SEC24D: variants seen among roughly 807,000 people sequenced by gnomAD.
The protein encoded by SEC24D is SEC24 homolog D, COPII component, also known as protein transport protein Sec24D.
In SEC24D, 69 loss-of-function variants were observed where a neutral mutation model predicts 116.9. The observed-to-expected ratio is 0.59, with a 90% CI of 0.49 to 0.72. The LOEUF is 0.72. Among genes scored for constraint, SEC24D ranks in the 30% least tolerant of loss-of-function variants. The pLI is 0.00. For synonymous variants in SEC24D, 405 were observed against 442.8 expected (o/e 0.91, Z 1.07); for missense variants, 1,131 against 1,264.1 (o/e 0.89, Z 1.60).
chr4:118,788,622 C>T (rs1728754461), intron 8 of SEC24D, among the ~76,000 whole-genome samples: 1 of 152,178 alleles, frequency 6.6e-6, no homozygotes, highest in Admixed American at 6.5e-5. Flanking sequence ...ACTACATTGT[C>T]TTTCAAATGA....
intron 8 of SEC24D, among the ~76,000 whole-genome samples, chr4:118,779,729 GT>G (rs1195830096): frequency 6.6e-6 from 1 of 152,142 alleles, no homozygotes; most frequent in African/African-American, 2.4e-5. Context: ...AATCCATCTG[GT>G]CCTGGAATTT....
Position 118,723,395 on chromosome 4 carries a change from G to T in SEC24D, c.*120C>A. ...GAAGTTCTAAATGCCATCTCTTCCT[G>T]GAAAGTTATTCTGAAAATGAGCAAG... On this transcript the variant is annotated 3_prime_UTR_variant, in exon 23 of 23. Transcript: ENST00000280551. 9.5e-7 allele frequency: 1 copy of T among 1,053,942 alleles called. No individual in the cohort carries two copies. Among genetic ancestry groups the T allele is most frequent in the Non-Finnish European group, 1.4e-6 (1 of 733,524 alleles). 65.3% of individuals were successfully genotyped at this position (1,053,942 alleles called of 1,614,324 possible).
At chr4:118,810,682 A>G (rs543140025) in intron 6 of SEC24D, among the ~76,000 whole-genome samples, 81 of 152,190 alleles carry the variant, frequency 5.3e-4, no homozygotes, top group Non-Finnish European at 6.9e-4. Flanking sequence ...GAGGCCTGAG[A>G]ACATGAATTT....
Position 118,815,480 on chromosome 4 carries a change from G to A in SEC24D, c.644C>T (p.Thr215Ile), listed in dbSNP as rs1578468090. Residue 215 changes from threonine to isoleucine, a missense_variant, in exon 5 of 23, where the codon ACC becomes ATC. Coordinates refer to ENST00000280551, the MANE Select transcript of SEC24D (RefSeq NM_014822.4). ...QYQPPPLPGQ[T>I]LGAGYPPQQA... ...CTGCGGAGGATATCCAGCACCCAAG[G>A]TCTGGCCTGGAAGAGGTGGGGGCTG... 6.2e-7 allele frequency: 1 copy of A among 1,614,198 alleles called. No homozygotes were observed. Among genetic ancestry groups the A allele is most frequent in the Non-Finnish European group, 8.5e-7 (1 of 1,180,028 alleles).
At chr4:118,824,858 G>T in intron 2 of SEC24D, 109 bp from the exon 3 acceptor site, 1 of 978,878 alleles carries the variant, frequency 1.0e-6, no homozygotes, top group Non-Finnish European at 1.5e-6. Flanking sequence ...GAAACAAATG[G>T]ATTAGAACAA....
chr4:118,808,669 C>A (rs1203888546), intron 6 of SEC24D, among the ~76,000 whole-genome samples: 1 of 152,128 alleles, frequency 6.6e-6, no homozygotes, highest in African/African-American at 2.4e-5. Context: ...TGACTTGGTA[C>A]CTGAAGGGTT....
chr4:118,755,430 C>T (rs1003766018), intron 11 of SEC24D, among the ~76,000 whole-genome samples: 1 of 146,196 alleles, frequency 6.8e-6, no homozygotes, highest in Admixed American at 6.9e-5. Context: ...GCATTTGGAA[C>T]GTTTTAGTTA....
chr4:118,821,631 G>C (rs1013458075), intron 3 of SEC24D, among the ~76,000 whole-genome samples: 2 of 152,080 alleles, frequency 1.3e-5, no homozygotes, highest in Non-Finnish European at 2.9e-5. Context: ...TGATAATTTA[G>C]ATACAGTAAA....
chr4:118,749,146 G>A (rs1560633178), intron 13 of SEC24D, among the ~76,000 whole-genome samples: 1 of 152,028 alleles, frequency 6.6e-6, no homozygotes, highest in Non-Finnish European at 1.5e-5. Flanking sequence ...AGTTATGAAG[G>A]TCAGATTTTG....
chr4:118,814,741 T>C (rs1730064011), intron 6 of SEC24D, among the ~76,000 whole-genome samples: 1 of 151,864 alleles, frequency 6.6e-6, no homozygotes, highest in African/African-American at 2.4e-5. Context: ...ACTGCCAAAA[T>C]ATGTCAATGT....
intron 8 of SEC24D, among the ~76,000 whole-genome samples, chr4:118,789,790 T>G (rs1432499166): frequency 1.3e-5 from 2 of 152,182 alleles, no homozygotes; most frequent in Non-Finnish European, 2.9e-5. Context: ...TTCACCATGT[T>G]AGCCAGGATG....
At position 118,737,554 on chromosome 4, in the gene SEC24D, C is replaced by G. The variant is rs377072803; in HGVS notation, c.2496+707G>C. Among the ~76,000 whole-genome samples, 4 of 152,168 alleles carry G rather than the reference C, an allele frequency of 2.6e-5. No individual in the cohort carries two copies. In the East Asian group the frequency reaches 7.7e-4, roughly 29 times the overall value. On this transcript the variant is annotated intron_variant, in intron 19 of 22. Coordinates refer to ENST00000280551, the MANE Select transcript of SEC24D (RefSeq NM_014822.4). ...TGAATGAACTAGAAAGTTTTCCCAT[C>G]TATTGCTATTTTAGTTGGAATTCTA...
chr4:118,790,692 A>G (rs1728857989), intron 8 of SEC24D, among the ~76,000 whole-genome samples: 1 of 151,912 alleles, frequency 6.6e-6, no homozygotes, highest in African/African-American at 2.4e-5. Flanking sequence ...CCTAAGGAAC[A>G]TCCTCTCGTC....
At chr4:118,775,270 T>C (rs1433744357) in intron 8 of SEC24D, among the ~76,000 whole-genome samples, 1 of 140,568 alleles carries the variant, frequency 7.1e-6, no homozygotes, top group Non-Finnish European at 1.5e-5. Flanking sequence ...GGTTTCTGAA[T>C]GAAAAAACAC....
At position 118,768,253 on chromosome 4, in the gene SEC24D, T is replaced by C; in HGVS notation, c.1100A>G (p.Lys367Arg). 6.2e-7 allele frequency: 1 copy of C among 1,613,836 alleles called. No homozygotes were observed. The highest frequency in any genetic ancestry group is 1.1e-5 in the South Asian group (1 of 91,072). The change falls in exon 9 of 23, where the codon AAG becomes AGG. Residue 367 changes from lysine to arginine, a missense_variant. Physicochemically the swap from Lys to Arg is conservative, Grantham distance 26 (BLOSUM62 2). Coordinates refer to ENST00000280551, the MANE Select transcript of SEC24D (RefSeq NM_014822.4). ...ESGPVRCNRC[K>R]AYMCPFMQFI... ...CTGCATAAATGGGCACATGTAGGCC[T>C]TGCACCTGTTGCATCTGACTGGTCC...
At chr4:118,803,240 G>C (rs1461892346) in intron 7 of SEC24D, among the ~76,000 whole-genome samples, 1 of 152,066 alleles carries the variant, frequency 6.6e-6, no homozygotes, top group Non-Finnish European at 1.5e-5. Context: ...ACTTAAAAAT[G>C]GTTAAAATAA....
Position 118,824,621 on chromosome 4 carries a change from T to C in SEC24D, c.247A>G (p.Arg83Gly). 6.2e-7 allele frequency: 1 copy of C among 1,600,396 alleles called. No homozygotes were observed. Among genetic ancestry groups the C allele is most frequent in the Non-Finnish European group, 8.5e-7 (1 of 1,175,594 alleles). Reference protein sequence around the residue: ...GAHATGHPPQRFPGPPPVNNV... With the variant: ...GAHATGHPPQGFPGPPPVNNV... Reference sequence around the variant, plus strand: ...AAGGTTGGAATCTACCTAGCTCACCTTTGGGGAGGGTGACCAGTGGCATGA... The same window carrying C: ...AAGGTTGGAATCTACCTAGCTCACCCTTGGGGAGGGTGACCAGTGGCATGA... Residue 83 changes from arginine to glycine, a missense_variant and splice_region_variant, in exon 3 of 23, where the codon AGA (arginine) becomes GGA (glycine). Arg to Gly is a moderately radical substitution (Grantham distance 125). Transcript: ENST00000280551.
intron 8 of SEC24D, among the ~76,000 whole-genome samples, chr4:118,790,737 G>A (rs1005961741): frequency 2.0e-5 from 3 of 151,444 alleles, no homozygotes; most frequent in East Asian, 1.9e-4. Flanking sequence ...TTTATAGGCC[G>A]TTGCTAACAC....
chr4:118,792,271 G>C (rs1279983239), intron 8 of SEC24D, among the ~76,000 whole-genome samples: 3 of 150,418 alleles, frequency 2.0e-5, no homozygotes, highest in South Asian at 2.1e-4. Flanking sequence ...TCCGGGAGGT[G>C]GGGGGCAGCC....
Sources: gnomAD v4.1 joint callset for allele counts (sites outside exome capture counted in the v4.1 genomes callset) on GRCh38, gnomAD v4.1.1 for gene constraint, MANE v1.5 for transcripts, NCBI Gene and HGNC (gene_info 2026-07-23, HGNC 2026-07-21) for gene names.